LRP5: variants seen among roughly 807,000 people sequenced by gnomAD.
LRP5 encodes the protein low-density lipoprotein receptor-related protein 5.
In LRP5, 62 loss-of-function variants were observed where a neutral mutation model predicts 154.1. The ratio of observed to expected loss-of-function variants is 0.40; its 90% CI spans 0.33 to 0.50. LRP5 has a LOEUF of 0.50. LRP5 is among the 20% of genes least tolerant of loss of function. LRP5 has a pLI of 0.55. For missense variants in LRP5, 1,915 were observed against 2,336.7 expected (o/e 0.82, Z 3.72); for synonymous variants, 966 against 1,011.5 (o/e 0.96, Z 0.85).
At position 68,405,035 on chromosome 11, in the gene LRP5, C is replaced by T. The variant is rs535103230; in HGVS notation, c.1801+1336C>T. Among the ~76,000 whole-genome samples the T allele has an allele frequency of 2.6e-5, 4 of 151,532 alleles. No individual in the cohort carries two copies. The East Asian group carries it at 5.8e-4, about 22-fold the overall frequency. On this transcript the variant is annotated intron_variant, in intron 8 of 22. Transcript: ENST00000294304. ...TTAGTCTGGGTGTGGTATCACGCGC[C>T]TATAATCTCACTACTCGAGAGGCTG...
chr11:68,338,600 C>T (rs1224132069), intron 1 of LRP5, among the ~76,000 whole-genome samples: 1 of 152,108 alleles, frequency 6.6e-6, no homozygotes, highest in East Asian at 1.9e-4. Context: ...TCTGAATCAC[C>T]CCCTCACATT....
At chr11:68,404,672 G>A (rs77572912) in intron 8 of LRP5, among the ~76,000 whole-genome samples, 2 of 152,074 alleles carry the variant, frequency 1.3e-5, no homozygotes, top group Non-Finnish European at 2.9e-5. Context: ...CTTTAAAAAC[G>A]CGTTCATGCT....
At chr11:68,376,650 A>G (rs558585111) in intron 5 of LRP5, among the ~76,000 whole-genome samples, 2 of 152,336 alleles carry the variant, frequency 1.3e-5, no homozygotes, top group Middle Eastern at 3.4e-3. Context: ...GGGCGCAGCC[A>G]TGCGTCAGGC....
chr11:68,312,972 CCACG>C (rs1174148016), intron 1 of LRP5, among the ~76,000 whole-genome samples, 167 bp downstream of exon 1: 1 of 148,268 alleles, frequency 6.7e-6, no homozygotes, highest in South Asian at 2.1e-4. Context: ...GGCGTCCCCG[CCACG>C]CGCGGGCCCT....
At chr11:68,306,913 G>C in the LRP5 span, among the ~76,000 whole-genome samples, 44,137 of 152,140 alleles carry the variant, frequency 0.29, 7,404 homozygotes, top group South Asian at 0.57. Flanking sequence ...GCCGAGGTGA[G>C]TGCCTGGCTC....
chr11:68,331,905 A>C (rs1441394198), intron 1 of LRP5, among the ~76,000 whole-genome samples: 2 of 151,894 alleles, frequency 1.3e-5, no homozygotes, highest in Non-Finnish European at 2.9e-5. Flanking sequence ...GAAGCTGGTG[A>C]GTGTGAGGCG....
In LRP5 at chr11:68,335,751, G is replaced by T. The variant is rs1324349286; in HGVS notation, c.92-12096G>T. Among the ~76,000 whole-genome samples the T allele has an allele frequency of 2.0e-5, 3 of 152,264 alleles. No individual in the cohort carries two copies. The East Asian group carries it at 5.8e-4, about 29-fold the overall frequency. On this transcript the variant is annotated intron_variant, in intron 1 of 22. Coordinates refer to ENST00000294304, the MANE Select transcript of LRP5 (RefSeq NM_002335.4). ...AGGGGACATTTTATACAGCAAAATT[G>T]CCCACAAAAAGCACAGTGATGTGGA...
intron 20 of LRP5, 31 bp downstream of exon 20, chr11:68,438,713 A>T: frequency 6.3e-7 from 1 of 1,595,474 alleles, no homozygotes; most frequent in East Asian, 2.2e-5. Context: ...AATGATCTGG[A>T]GGAGGCAGGA....
rs747250870 is a variant in LRP5 at position 68,433,809 on chromosome 11, A to G, written c.3971A>G (p.Gln1324Arg). 3 of 1,612,598 alleles carry G rather than the reference A, an allele frequency of 1.9e-6. No individual in the cohort carries two copies. The highest frequency in any genetic ancestry group is 2.5e-6 in the Non-Finnish European group (3 of 1,179,742). The change falls in exon 18 of 23, where the codon CAG becomes CGG. Residue 1324 changes from glutamine (Q) to arginine (R), a missense_variant. By Grantham distance (43) the Gln-to-Arg change is conservative. Coordinates refer to ENST00000294304, the MANE Select transcript of LRP5 (RefSeq NM_002335.4). ...CGCTGCGACGGCGAGGCAGACTGTC[A>G]GGACCGCTCAGACGAGGCGGACTGT... The part of the protein sequence containing the change: ...RLRCDGEADC[Q>R]DRSDEADCDA...
intron 11 of LRP5, among the ~76,000 whole-genome samples, chr11:68,412,686 A>T (rs1404844065): frequency 6.6e-6 from 1 of 151,920 alleles, no homozygotes; most frequent in Non-Finnish European, 1.5e-5. Context: ...TGAGGCTCCA[A>T]GTCCCCAGGC....
chr11:68,312,696 C>G lies in LRP5; in HGVS notation c.-19C>G, dbSNP rs1042496387. On this transcript the variant is annotated 5_prime_UTR_variant, in exon 1 of 23. Coordinates refer to ENST00000294304, the MANE Select transcript of LRP5 (RefSeq NM_002335.4). ...AGCCCGAGTGAGCGCGGCGCGGGCC[C>G]GTCCGGCCGCCGGACAACATGGAGG... 4.0e-6 allele frequency: 4 copies of G among 998,846 alleles called. No homozygotes were observed. The highest frequency in any genetic ancestry group is 3.6e-6 in the Non-Finnish European group (3 of 837,928). 61.9% of individuals were successfully genotyped at this position (998,846 alleles called of 1,614,324 possible). A position where few individuals can be genotyped will look rare whatever the true frequency, so the allele number is the denominator to read the frequency against.
chr11:68,409,073 A>AATATATAT (rs1174773377), intron 9 of LRP5, among the ~76,000 whole-genome samples: 82 of 44,162 alleles, frequency 1.9e-3, no homozygotes, highest in South Asian at 3.5e-3. Context: ...AAAAAAAAAA[A>AATATATAT]ATATATATAT....
At chr11:68,406,410 C>G (rs1442858187) in intron 8 of LRP5, 114 bp from the exon 9 acceptor site, 22 of 1,186,876 alleles carry the variant, frequency 1.9e-5, no homozygotes, top group Non-Finnish European at 2.6e-5. Context: ...GAGTCCTGAG[C>G]TCGGCACCCC....
intron 7 of LRP5, among the ~76,000 whole-genome samples, 184 bp from the exon 8 acceptor site, chr11:68,403,299 C>T (rs1285272938): frequency 1.3e-5 from 2 of 152,248 alleles, no homozygotes; most frequent in East Asian, 3.9e-4. Flanking sequence ...GTCATTTATC[C>T]AGCACCCCTG....
At chr11:68,369,352 CTG>C (rs1018181120) in intron 5 of LRP5, among the ~76,000 whole-genome samples, 5 of 152,130 alleles carry the variant, frequency 3.3e-5, no homozygotes, top group African/African-American at 9.7e-5. Context: ...TGCCTAAACA[CTG>C]TGTTGCATCT....
At chr11:68,431,759 C>T (rs1206450338) in intron 17 of LRP5, among the ~76,000 whole-genome samples, 1 of 152,192 alleles carries the variant, frequency 6.6e-6, no homozygotes, top group African/African-American at 2.4e-5. Context: ...GTCTGTGCAC[C>T]TCCCACTGAT....
At chr11:68,403,060 A>G (rs1438240192) in intron 7 of LRP5, among the ~76,000 whole-genome samples, 1 of 152,226 alleles carries the variant, frequency 6.6e-6, no homozygotes, top group East Asian at 1.9e-4. Flanking sequence ...AGCCTGGTCA[A>G]CATGGTGAAA....
chr11:68,366,378 C>T (rs1488617969), intron 5 of LRP5, among the ~76,000 whole-genome samples: 2 of 151,978 alleles, frequency 1.3e-5, no homozygotes, highest in Admixed American at 6.6e-5. Context: ...GGCAGAGTCT[C>T]GGTGTGGGGC....
chr11:68,300,253 G>A, the LRP5 span, among the ~76,000 whole-genome samples: 1 of 149,118 alleles, frequency 6.7e-6, no homozygotes, highest in Non-Finnish European at 1.5e-5. Context: ...GATGGAGCTG[G>A]CCGAGGATGA....
Sources: gnomAD v4.1 joint callset for allele counts (sites outside exome capture counted in the v4.1 genomes callset) on GRCh38, gnomAD v4.1.1 for gene constraint, MANE v1.5 for transcripts, NCBI Gene and HGNC (gene_info 2026-07-23, HGNC 2026-07-21) for gene names.